Variants in PCID2 observed in about 807,000 individuals in gnomAD.
PCID2 encodes the protein PCI domain containing 2.
Under a neutral mutation model 61.3 loss-of-function variants are expected in PCID2, and 41 were observed. The ratio of observed to expected loss-of-function variants is 0.67; its 90% CI spans 0.52 to 0.87. The LOEUF is 0.87. Ranked by LOEUF, PCID2 falls within the 40% of genes least tolerant of loss-of-function variation. The probability of loss-of-function intolerance (pLI) is 0.00; values close to 1 mark genes in which losing one functional copy is unlikely to be tolerated. For synonymous variants in PCID2, 187 were observed against 177.8 expected (o/e 1.05, Z -0.41); for missense variants, 392 against 493.4 (o/e 0.79, Z 1.95).
chr13:113,194,259 G>C (rs1354802150), intron 6 of PCID2, among the ~76,000 whole-genome samples: 1 of 152,220 alleles, frequency 6.6e-6, no homozygotes, highest in South Asian at 2.1e-4. Flanking sequence ...GTGACGGTCA[G>C]AGTTCTGTCT....
chr13:113,191,458 A>G (rs1329491210), intron 6 of PCID2, among the ~76,000 whole-genome samples: 2 of 152,236 alleles, frequency 1.3e-5, no homozygotes, highest in African/African-American at 4.8e-5. Flanking sequence ...TATTACTCCA[A>G]TTCTTTCACA....
chr13:113,170,083 C>T, the PCID2 span, among the ~76,000 whole-genome samples: 271 of 152,298 alleles, frequency 1.8e-3, no homozygotes, highest in African/African-American at 6.0e-3. Context: ...TTGGGGATTA[C>T]GATTCCTGAA....
chr13:113,201,838 CAT>C (rs1425306413), intron 1 of PCID2, among the ~76,000 whole-genome samples: 1 of 141,192 alleles, frequency 7.1e-6, no homozygotes, highest in African/African-American at 2.6e-5. Context: ...AAAAAAAGGA[CAT>C]AAAAATTCTA....
At chr13:113,203,800 G>A (rs530699996) in intron 1 of PCID2, among the ~76,000 whole-genome samples, 10 of 152,268 alleles carry the variant, frequency 6.6e-5, no homozygotes, top group African/African-American at 1.9e-4. Context: ...CGTCTTCCCC[G>A]TTTGCCCTCC....
rs761665334 is a variant in PCID2 at position 113,181,133 on chromosome 13, T to C, written c.783A>G (p.Leu261=). The change falls in exon 10 of 14, where the codon CTA becomes CTG. Residue 261 remains leucine (L), a synonymous_variant. Transcript: ENST00000337344. The stretch of plus-strand genomic sequence containing the variant: ...ACATGGAGTAATAATCACTCACCAA[T>C]AGCATTTTTACTGGAAGCAAATAGA... ...ILIYLLPVKM[L]LGHMPTVELL... 7 of 1,587,636 alleles carry C rather than the reference T, an allele frequency of 4.4e-6. No homozygotes were observed. The highest frequency in any genetic ancestry group is 1.1e-5 in the South Asian group (1 of 90,558).
chr13:113,168,613 TG>T, the PCID2 span, among the ~76,000 whole-genome samples: 5 of 152,258 alleles, frequency 3.3e-5, no homozygotes, highest in African/African-American at 1.2e-4. Context: ...TCCTCTATCA[TG>T]GATTTTGAAT....
At chr13:113,174,003 CG>C (rs1566934077), downstream of PCID2, among the ~76,000 whole-genome samples, 1 of 151,078 alleles carries the variant, frequency 6.6e-6, no homozygotes, top group African/African-American at 2.4e-5. Flanking sequence ...CTGAGGCGGG[CG>C]GATCACGAGG....
chr13:113,208,253 C>T, intron 1 of PCID2: 1 of 1,439,380 alleles, frequency 6.9e-7, no homozygotes, highest in Non-Finnish European at 9.1e-7. Flanking sequence ...CCACAGCGGG[C>T]CCTCGGCGTG....
Position 113,179,092 on chromosome 13 carries a change from G to A in PCID2, c.987-3C>T. 2 of 1,612,730 alleles carry A rather than the reference G, an allele frequency of 1.2e-6. No homozygotes were observed. Among genetic ancestry groups the A allele is most frequent in the Non-Finnish European group, 1.7e-6 (2 of 1,179,408 alleles). On this transcript the variant is annotated splice_region_variant and splice_polypyrimidine_tract_variant and intron_variant, in intron 12 of 13. Coordinates refer to ENST00000337344, the MANE Select transcript of PCID2 (RefSeq NM_001127202.4). The surrounding 1 kb of genome is among the most constrained non-coding windows in gnomAD (Gnocchi z 4.3). ...GGTGTGTTTTCAGTAACAAATACCT[G>A]GAAGAGGGGAGGAGAAGGGCACTGT...
chr13:113,179,889 G>T lies in PCID2; in HGVS notation c.986+28C>A. The T allele has an allele frequency of 1.2e-6, 2 of 1,602,004 alleles. No homozygotes were observed. Among genetic ancestry groups the T allele is most frequent in the Non-Finnish European group, 1.7e-6 (2 of 1,173,262 alleles). Reference sequence around the variant, plus strand: ...ACTGCTCTGCCGAGAGCCACACTGGGAGCCCAATGTGCCGGGGAAATGCTT... The same window carrying T: ...ACTGCTCTGCCGAGAGCCACACTGGTAGCCCAATGTGCCGGGGAAATGCTT... On this transcript the variant is annotated intron_variant, in intron 12 of 13. Coordinates refer to ENST00000337344, the MANE Select transcript of PCID2 (RefSeq NM_001127202.4). This position sits in a 1 kb window ranked among gnomAD's most constrained non-coding sequence, Gnocchi z 4.3.
intron 1 of PCID2, among the ~76,000 whole-genome samples, chr13:113,204,840 C>A (rs942691726): frequency 2.6e-5 from 4 of 152,208 alleles, no homozygotes. Context: ...AGCCCAGCCA[C>A]CTGGCCAACT....
At chr13:113,201,762 G>A (rs1361277000) in intron 1 of PCID2, among the ~76,000 whole-genome samples, 2 of 142,258 alleles carry the variant, frequency 1.4e-5, no homozygotes, top group Admixed American at 7.3e-5. Context: ...CATGCAGTGA[G>A]CAGAAATCGC....
At chr13:113,187,623 C>T (rs1221458266) in intron 7 of PCID2, 1 of 152,146 alleles carries the variant, frequency 6.6e-6, no homozygotes, top group Admixed American at 6.5e-5. Flanking sequence ...TCTTTTCATG[C>T]ACTTACTGGT....
intron 9 of PCID2, among the ~76,000 whole-genome samples, chr13:113,182,540 G>A (rs1301161996): frequency 2.6e-5 from 4 of 152,020 alleles, no homozygotes; most frequent in African/African-American, 4.8e-5. Flanking sequence ...TTGCTCTGTC[G>A]CCAAGCTGGA....
chr13:113,202,995 CA>C (rs200954589), intron 1 of PCID2, among the ~76,000 whole-genome samples: 2 of 151,930 alleles, frequency 1.3e-5, no homozygotes, highest in Admixed American at 6.5e-5. Context: ...AAAAACAAAA[CA>C]AAAAAAATCC....
chr13:113,195,284 G>A (rs567667702), intron 5 of PCID2, among the ~76,000 whole-genome samples, 159 bp from the exon 6 acceptor site: 5 of 152,264 alleles, frequency 3.3e-5, no homozygotes, highest in African/African-American at 1.2e-4. Flanking sequence ...TTCTGTCCAG[G>A]CAGGCTGCAG....
rs2037262048 is a variant in PCID2, at chr13:113,178,022, C to T, written c.*176G>A. 4.1e-6 allele frequency: 2 copies of T among 489,106 alleles called. No homozygotes were observed. Among genetic ancestry groups the T allele is most frequent in the African/African-American group, 3.9e-5 (2 of 51,090 alleles). 30.3% of individuals were successfully genotyped at this position (489,106 alleles called of 1,614,324 possible). On this transcript the variant is annotated 3_prime_UTR_variant, in exon 14 of 14. Coordinates refer to ENST00000337344, the MANE Select transcript of PCID2 (RefSeq NM_001127202.4). Reference sequence around the variant, plus strand: ...GTTTTCATCAGGCTGAAATTAGTTACAAATGAAGGAGATTAACTCGGGTGT... The same window carrying T: ...GTTTTCATCAGGCTGAAATTAGTTATAAATGAAGGAGATTAACTCGGGTGT...
At chr13:113,187,615 T>G (rs879746037) in intron 7 of PCID2, 1 of 152,222 alleles carries the variant, frequency 6.6e-6, no homozygotes, top group Non-Finnish European at 1.5e-5. Flanking sequence ...CTTGAGCATC[T>G]TTTCATGCAC....
chr13:113,169,041 AT>A, the PCID2 span, among the ~76,000 whole-genome samples: 14 of 151,746 alleles, frequency 9.2e-5, no homozygotes, highest in Non-Finnish European at 1.2e-4. Flanking sequence ...TTATTTTCAG[AT>A]TTTTTTTCTC....
Sources: allele counts gnomAD v4.1 joint callset (sites outside exome capture counted in the v4.1 genomes callset), GRCh38; gene constraint gnomAD v4.1.1; non-coding constraint Gnocchi (gnomAD v3.1); transcripts MANE v1.5; gene names NCBI Gene and HGNC (gene_info 2026-07-23, HGNC 2026-07-21).